The following MAGI2 variants were observed in gnomAD, a reference collection of about 807,000 sequenced individuals.
MAGI2 encodes the protein membrane associated guanylate kinase, WW and PDZ domain containing 2.
Under a neutral mutation model 133.3 loss-of-function variants are expected in MAGI2, and 35 were observed. The ratio of observed to expected loss-of-function variants is 0.26; its 90% CI spans 0.20 to 0.35. The LOEUF (loss-of-function observed/expected upper bound fraction) is 0.35. MAGI2 is among the 10% of genes least tolerant of loss of function. The pLI, the probability that MAGI2 is intolerant of heterozygous loss-of-function variation, is 1.00. For synonymous variants in MAGI2, 729 were observed against 710.6 expected (o/e 1.03, Z -0.41); for missense variants, 1,636 against 1,863.4 (o/e 0.88, Z 2.25).
At chr7:79,292,853 A>G (rs979735258) in intron 1 of MAGI2, among the ~76,000 whole-genome samples, 4 of 149,184 alleles carry the variant, frequency 2.7e-5, no homozygotes, top group African/African-American at 4.9e-5. Context: ...CTGAGAATCA[A>G]TTTAGGGAAT....
At chr7:78,795,016 C>T (rs1188681800) in intron 2 of MAGI2, among the ~76,000 whole-genome samples, 1 of 152,088 alleles carries the variant, frequency 6.6e-6, no homozygotes, top group African/African-American at 2.4e-5. Flanking sequence ...TGCCACCATG[C>T]CAGGCCACTA....
chr7:78,687,997 A>G lies in MAGI2; in HGVS notation c.419-60758T>C, dbSNP rs1250944827. On this transcript the variant is annotated intron_variant, in intron 2 of 21. Transcript: ENST00000354212. ...AAAAAAAAAAAAAAAAAAAAAAAAA[A>G]AAAAGAAAAAAGAAAAGAAAAAAAG... 1.4e-3 allele frequency among the ~76,000 whole-genome samples: 205 copies of G among 144,430 alleles called. 2 individuals carry two copies. Among genetic ancestry groups the G allele is most frequent in the African/African-American group, 4.7e-3 (177 of 37,852 alleles). The allele number at this position is 144,430 out of a possible 152,430, so 94.8% of individuals were successfully genotyped here.
chr7:79,103,792 C>T (rs528472734), intron 1 of MAGI2, among the ~76,000 whole-genome samples: 9 of 152,098 alleles, frequency 5.9e-5, no homozygotes, highest in African/African-American at 1.9e-4. Flanking sequence ...CTCCGCCTCC[C>T]GGGTTCACGC....
intron 2 of MAGI2, among the ~76,000 whole-genome samples, chr7:78,906,124 A>G (rs1797976396): frequency 6.6e-6 from 1 of 152,202 alleles, no homozygotes; most frequent in Non-Finnish European, 1.5e-5. Context: ...TACTACTAAT[A>G]TAGAAATGCA....
At chr7:78,151,581 G>C (rs1465313743) in intron 16 of MAGI2, among the ~76,000 whole-genome samples, 2 of 152,166 alleles carry the variant, frequency 1.3e-5, no homozygotes, top group Non-Finnish European at 2.9e-5. Flanking sequence ...CCCCTGACTT[G>C]TTAGGGTGCT....
chr7:78,799,510 C>T (rs568778215), intron 2 of MAGI2, among the ~76,000 whole-genome samples: 3 of 152,112 alleles, frequency 2.0e-5, no homozygotes, highest in African/African-American at 7.2e-5. Flanking sequence ...TCTATTTCCT[C>T]CTTTCTAAGG....
At chr7:78,236,812 TTA>T (rs888314185) in intron 10 of MAGI2, among the ~76,000 whole-genome samples, 4 of 152,188 alleles carry the variant, frequency 2.6e-5, no homozygotes, top group African/African-American at 4.8e-5. Flanking sequence ...ACTGGGTAAT[TTA>T]TAAAGAAAAA....
intron 7 of MAGI2, chr7:78,350,070 C>T (rs974996047): frequency 3.3e-5 from 5 of 152,142 alleles, no homozygotes; most frequent in African/African-American, 9.7e-5. Context: ...AAGCTAAAAG[C>T]GTAAGAGTCA....
At chr7:78,059,671 G>C (rs1428233502) in intron 21 of MAGI2, among the ~76,000 whole-genome samples, 1 of 151,916 alleles carries the variant, frequency 6.6e-6, no homozygotes, top group East Asian at 1.9e-4. Flanking sequence ...TGCCTCAAAT[G>C]CTCTTATTCT....
chr7:78,185,877 A>G (rs140586104), intron 12 of MAGI2, among the ~76,000 whole-genome samples: 381 of 152,274 alleles, frequency 2.5e-3, no homozygotes, highest in African/African-American at 8.5e-3. Flanking sequence ...TTTCTTTTAC[A>G]TGCATCCAAA....
chr7:78,470,713 G>A (rs1214066858), intron 6 of MAGI2, among the ~76,000 whole-genome samples: 5 of 152,026 alleles, frequency 3.3e-5, no homozygotes, highest in African/African-American at 1.2e-4. Context: ...ACAGAAAATA[G>A]AAACATAGAG....
intron 2 of MAGI2, among the ~76,000 whole-genome samples, chr7:78,852,811 C>A (rs1232429075): frequency 6.6e-6 from 1 of 152,030 alleles, no homozygotes; most frequent in Non-Finnish European, 1.5e-5. Flanking sequence ...AGTGATTTAG[C>A]AGTGGAGGGT....
intron 1 of MAGI2, among the ~76,000 whole-genome samples, chr7:79,085,306 G>C (rs1447538063): frequency 6.6e-6 from 1 of 151,648 alleles, no homozygotes; most frequent in Non-Finnish European, 1.5e-5. Context: ...TTTTGATCTT[G>C]AGAATATATT....
intron 1 of MAGI2, among the ~76,000 whole-genome samples, chr7:79,143,330 C>G (rs1822305575): frequency 6.6e-6 from 1 of 152,150 alleles, no homozygotes. Flanking sequence ...CTAGGGATAA[C>G]TTGGCAATAC....
intron 1 of MAGI2, among the ~76,000 whole-genome samples, chr7:79,330,255 G>C (rs949660812): frequency 3.8e-5 from 5 of 133,132 alleles, no homozygotes; most frequent in Middle Eastern, 5.1e-3. Context: ...GTGCAGTGGT[G>C]CGATCTCGGC....
At chr7:78,173,043 A>G (rs1276955480) in intron 14 of MAGI2, among the ~76,000 whole-genome samples, 1 of 152,242 alleles carries the variant, frequency 6.6e-6, no homozygotes, top group African/African-American at 2.4e-5. Flanking sequence ...AAATGAAGGA[A>G]TAAACCGGAA....
chr7:78,092,777 T>TTA (rs577815827), intron 20 of MAGI2, among the ~76,000 whole-genome samples: 1 of 102,764 alleles, frequency 9.7e-6, no homozygotes. Context: ...TCCACATACA[T>TTA]CCCTTGGATA....
intron 21 of MAGI2, among the ~76,000 whole-genome samples, chr7:78,051,416 CT>C: frequency 6.6e-6 from 1 of 152,292 alleles, no homozygotes; most frequent in East Asian, 1.9e-4. Context: ...ATAAAACAAA[CT>C]GTACATATAC....
At chr7:78,857,124 G>A (rs571563984) in intron 2 of MAGI2, among the ~76,000 whole-genome samples, 76 of 152,312 alleles carry the variant, frequency 5.0e-4, no homozygotes, top group African/African-American at 1.8e-3. Context: ...ATTTGCTGAA[G>A]TTGCTTATTA....
Sources: allele counts gnomAD v4.1 joint callset (sites outside exome capture counted in the v4.1 genomes callset), GRCh38; gene constraint gnomAD v4.1.1; transcripts MANE v1.5; gene names NCBI Gene and HGNC (gene_info 2026-07-23, HGNC 2026-07-21).